KCNIP3: variants seen among roughly 807,000 people sequenced by gnomAD.
The protein encoded by KCNIP3 is potassium voltage-gated channel interacting protein 3, also known as calsenilin.
A neutral mutation model predicts 35.0 loss-of-function variants in KCNIP3; 28 were observed. The ratio of observed to expected loss-of-function variants is 0.80; its 90% CI spans 0.59 to 1.10. The LOEUF is 1.10. KCNIP3 is among the 50% of genes least tolerant of loss of function. The pLI, the probability that KCNIP3 is intolerant of heterozygous loss-of-function variation, is 0.00. For synonymous variants in KCNIP3, 134 were observed against 133.8 expected, an observed-to-expected ratio of 1.00 and a Z score of -0.01; for missense variants, 295 against 338.4, an observed-to-expected ratio of 0.87 and a Z score of 1.01.
intron 1 of KCNIP3, 51 bp from the exon 2 acceptor site, chr2:95,310,304 G>T (rs752727224): frequency 6.2e-7 from 1 of 1,610,778 alleles, no homozygotes; most frequent in African/African-American, 1.3e-5. Context: ...CCATCCAGGG[G>T]TCCCCCCTCT....
chr2:95,343,020 G>A (rs970738503), intron 2 of KCNIP3, among the ~76,000 whole-genome samples: 4 of 152,144 alleles, frequency 2.6e-5, no homozygotes, highest in Non-Finnish European at 4.4e-5. Flanking sequence ...TTGCTGAACC[G>A]AGAAGAGGTA....
At chr2:95,379,117 C>T (rs766151940) in intron 5 of KCNIP3, among the ~76,000 whole-genome samples, 2 of 151,970 alleles carry the variant, frequency 1.3e-5, no homozygotes, top group East Asian at 2.0e-4. Context: ...ACAACGTTCC[C>T]GTCCCCCCAG....
intron 2 of KCNIP3, chr2:95,313,067 G>A (rs1678362732): frequency 6.6e-6 from 1 of 152,462 alleles, no homozygotes. Context: ...CCCATTCAGT[G>A]CAGCCCCACT....
chr2:95,299,390 GGTTGGGA>G, intron 1 of KCNIP3, among the ~76,000 whole-genome samples: 1 of 152,216 alleles, frequency 6.6e-6, no homozygotes, highest in African/African-American at 2.4e-5. Context: ...TCAGAGCTCA[GGTTGGGA>G]GGTGTTCTGA....
At chr2:95,355,999 T>C (rs1295764554) in intron 2 of KCNIP3, among the ~76,000 whole-genome samples, 1 of 152,184 alleles carries the variant, frequency 6.6e-6, no homozygotes, top group Non-Finnish European at 1.5e-5. Flanking sequence ...ACATCCTCTC[T>C]AGCATCTGTG....
At chr2:95,297,737 T>C (rs2104189051) in intron 1 of KCNIP3, among the ~76,000 whole-genome samples, 1 of 152,070 alleles carries the variant, frequency 6.6e-6, no homozygotes, top group Non-Finnish European at 1.5e-5. Context: ...GAGAGGTTTA[T>C]AAGTGTTTGC....
chr2:95,325,841 TCATACACACATACACTCA>T (rs1427007937), intron 2 of KCNIP3, among the ~76,000 whole-genome samples: 3 of 63,134 alleles, frequency 4.8e-5, no homozygotes, highest in African/African-American at 1.6e-4. Context: ...TCATACACAC[TCATACACACATACACTCA>T]CAGGCACACA....
At chr2:95,361,072 A>AGCAGTCTT (rs1679787701) in intron 2 of KCNIP3, among the ~76,000 whole-genome samples, 1 of 152,246 alleles carries the variant, frequency 6.6e-6, no homozygotes, top group Non-Finnish European at 1.5e-5. Flanking sequence ...TTTTGCCCTG[A>AGCAGTCTT]GCAGTCTTCT....
At position 95,348,245 on chromosome 2, in the gene KCNIP3, A is replaced by G. The variant is rs544146908; in HGVS notation, c.182-26051A>G. Among the ~76,000 whole-genome samples, 3 of 152,362 alleles carry G rather than the reference A, an allele frequency of 2.0e-5. No homozygotes were observed. In the East Asian group the frequency reaches 5.8e-4, roughly 29 times the overall value. Reference sequence around the variant, plus strand: ...TTGGAGATGGGGGAGAAAGTGGCCCAGGCTGGGCCTTCGCTCGGCCGGATG... The same window carrying G: ...TTGGAGATGGGGGAGAAAGTGGCCCGGGCTGGGCCTTCGCTCGGCCGGATG... On this transcript the variant is annotated intron_variant, in intron 2 of 8. Transcript: ENST00000295225.
At chr2:95,381,022 G>T (rs1482981996) in intron 5 of KCNIP3, among the ~76,000 whole-genome samples, 1 of 152,100 alleles carries the variant, frequency 6.6e-6, no homozygotes, top group Non-Finnish European at 1.5e-5. Flanking sequence ...ACAAAAAGCT[G>T]AGCATCATTC....
chr2:95,361,241 G>A (rs1037424457), intron 2 of KCNIP3, among the ~76,000 whole-genome samples: 1 of 152,158 alleles, frequency 6.6e-6, no homozygotes, highest in Non-Finnish European at 1.5e-5. Flanking sequence ...CTTGGTGGAT[G>A]ACACCAGCAG....
intron 2 of KCNIP3, among the ~76,000 whole-genome samples, chr2:95,363,889 T>C (rs992154203): frequency 6.6e-6 from 1 of 152,242 alleles, no homozygotes; most frequent in African/African-American, 2.4e-5. Flanking sequence ...TATCGATTAA[T>C]CTTATATCTG....
chr2:95,325,739 A>G (rs1198612701), intron 2 of KCNIP3, among the ~76,000 whole-genome samples: 2 of 151,610 alleles, frequency 1.3e-5, no homozygotes, highest in Non-Finnish European at 2.9e-5. Flanking sequence ...ATACACACTC[A>G]TACACACGCA....
intron 2 of KCNIP3, among the ~76,000 whole-genome samples, chr2:95,350,482 C>G (rs1269523996): frequency 6.6e-6 from 1 of 152,144 alleles, no homozygotes; most frequent in Non-Finnish European, 1.5e-5. Context: ...ACCTGCTGAC[C>G]AAGAGGGAGA....
At chr2:95,383,113 C>A in intron 7 of KCNIP3, 119 bp from the exon 8 acceptor site, 1 of 470,390 alleles carries the variant, frequency 2.1e-6, no homozygotes, top group Non-Finnish European at 3.9e-6. Context: ...TGGAGGGAGC[C>A]CACCCGCCCA....
rs770216896 is a variant in KCNIP3, at chr2:95,383,275, T to G, written c.704T>G (p.Phe235Cys). 1.9e-6 allele frequency: 3 copies of G among 1,613,644 alleles called. No homozygotes were observed. The African/African-American group carries it at 4.0e-5, about 22-fold the overall frequency. ...GATGGGGTAGTGACCATTGAAGAGT[T>G]CCTGGAGGCCTGTCAGAAGGTAGGT... is the stretch of plus-strand genomic sequence containing the variant. The part of the protein sequence containing the change: ...NQDGVVTIEE[F>C]LEACQKDENI... Residue 235 changes from phenylalanine to cysteine, a missense_variant, in exon 8 of 9, where the codon TTC (phenylalanine) becomes TGC (cysteine). Physicochemically the swap from Phe to Cys is radical, Grantham distance 205. Coordinates refer to ENST00000295225, the MANE Select transcript of KCNIP3 (RefSeq NM_013434.5).
rs1468511473 is a variant in KCNIP3 at position 95,383,285 on chromosome 2, C to G, written c.714C>G (p.Ala238=). The G allele has an allele frequency of 6.2e-7, 1 of 1,613,694 alleles. No homozygotes were observed. Among genetic ancestry groups the G allele is most frequent in the Non-Finnish European group, 8.5e-7 (1 of 1,179,830 alleles). Residue 238 remains alanine, a synonymous_variant, in exon 8 of 9, where the codon GCC becomes GCG. Coordinates refer to ENST00000295225, the MANE Select transcript of KCNIP3 (RefSeq NM_013434.5). ...GVVTIEEFLE[A]CQKDENIMSS... ...TGACCATTGAAGAGTTCCTGGAGGCCTGTCAGAAGGTAGGTGGCACGGGAG... is the reference window on the plus strand; with the variant it reads ...TGACCATTGAAGAGTTCCTGGAGGCGTGTCAGAAGGTAGGTGGCACGGGAG...
chr2:95,331,362 C>T (rs966762157), intron 2 of KCNIP3, among the ~76,000 whole-genome samples: 1 of 152,042 alleles, frequency 6.6e-6, no homozygotes, highest in African/African-American at 2.4e-5. Context: ...AGAAGCTGGC[C>T]TGGCGTGAGG....
At chr2:95,330,695 C>T (rs1050166528) in intron 2 of KCNIP3, among the ~76,000 whole-genome samples, 5 of 152,270 alleles carry the variant, frequency 3.3e-5, no homozygotes, top group African/African-American at 4.8e-5. Context: ...GCCAGGGTGC[C>T]GGGGCTGTGG....
Sources: gnomAD v4.1 joint callset for allele counts (sites outside exome capture counted in the v4.1 genomes callset) on GRCh38, gnomAD v4.1.1 for gene constraint, MANE v1.5 for transcripts, NCBI Gene and HGNC (gene_info 2026-07-23, HGNC 2026-07-21) for gene names.